The following PIGP variants were observed in gnomAD, a reference collection of about 807,000 sequenced individuals.
PIGP encodes phosphatidylinositol glycan anchor biosynthesis class P.
In PIGP, 12 loss-of-function variants were observed where a neutral mutation model predicts 16.9. That is an observed-to-expected ratio of 0.71 (90% CI 0.46 to 1.15). The LOEUF is 1.15. PIGP is among the 50% of genes most tolerant of loss of function. The pLI is 0.00. For missense variants in PIGP, 159 were observed against 153.5 expected (o/e 1.04, Z -0.19); for synonymous variants, 57 against 54.7 (o/e 1.04, Z -0.18).
intron 3 of PIGP, among the ~76,000 whole-genome samples, chr21:37,068,006 G>C (rs887240952): frequency 5.6e-5 from 3 of 53,288 alleles, no homozygotes; most frequent in African/African-American, 2.5e-4. Context: ...ATTTTTCATT[G>C]AGTGTTTTTT....
intron 3 of PIGP, among the ~76,000 whole-genome samples, chr21:37,068,057 G>A (rs1160074211): frequency 2.0e-5 from 3 of 150,794 alleles, no homozygotes; most frequent in Admixed American, 6.6e-5. Flanking sequence ...CACCCAGGCT[G>A]GAGTGCAACG....
At chr21:37,070,886 C>T (rs559403833) in intron 2 of PIGP, among the ~76,000 whole-genome samples, 143 of 152,340 alleles carry the variant, frequency 9.4e-4, no homozygotes, top group African/African-American at 3.2e-3. Context: ...CCTCAGCCTC[C>T]CGAGTAGCTG....
chr21:37,071,490 G>A (rs564407941), intron 2 of PIGP, among the ~76,000 whole-genome samples: 5 of 152,264 alleles, frequency 3.3e-5, no homozygotes, highest in Non-Finnish European at 5.9e-5. Context: ...TTTGCTGAGG[G>A]TCCCAGCTCA....
chr21:37,069,295 G>GTTTT, intron 3 of PIGP: 7 of 205,296 alleles, frequency 3.4e-5, no homozygotes, highest in Admixed American at 1.2e-4. Context: ...TGTATCTTCA[G>GTTTT]TTTTTTTTTT....
rs1320018997 is a variant in PIGP, at chr21:37,067,299, C to T, written c.237G>A (p.Met79Ile). The change falls in exon 4 of 5, where the codon ATG becomes ATA. Residue 79 changes from methionine (M) to isoleucine (I), a missense_variant. Transcript: ENST00000360525. ...GYVLLFGINM[M>I]STSPLDSIHT... is the part of the protein sequence containing the mutation. ...GGATGGAGTCGAGTGGAGAGGTACT[C>T]ATCATGTTAATCCCAAACAAGAGCA... The T allele has an allele frequency of 6.2e-7, 1 of 1,609,324 alleles. No individual in the cohort carries two copies. The highest frequency in any genetic ancestry group is 1.7e-5 in the Admixed American group (1 of 60,002).
intron 2 of PIGP, among the ~76,000 whole-genome samples, chr21:37,071,451 T>A (rs2146812486): frequency 6.6e-6 from 1 of 152,346 alleles, no homozygotes; most frequent in African/African-American, 2.4e-5. Flanking sequence ...ACTACCCTTT[T>A]ACAGATAAGG....
chr21:37,071,590 T>C (rs1386113805), intron 2 of PIGP, among the ~76,000 whole-genome samples: 1 of 152,216 alleles, frequency 6.6e-6, no homozygotes, highest in Non-Finnish European at 1.5e-5. Flanking sequence ...ATTACATTCA[T>C]CTGCAAGCTG....
At chr21:37,067,743 T>C (rs2069931483) in intron 3 of PIGP, among the ~76,000 whole-genome samples, 1 of 152,234 alleles carries the variant, frequency 6.6e-6, no homozygotes, top group South Asian at 2.1e-4. Context: ...CCTATCCTCT[T>C]CTATACTTAC....
At chr21:37,072,019 T>C in intron 2 of PIGP, 1 of 738,860 alleles carries the variant, frequency 1.4e-6, no homozygotes, top group Non-Finnish European at 2.5e-6. Flanking sequence ...TCTTACTCTT[T>C]CCTAATCAGC....
At chr21:37,067,633 C>T (rs2069929444) in intron 3 of PIGP, among the ~76,000 whole-genome samples, 1 of 152,192 alleles carries the variant, frequency 6.6e-6, no homozygotes, top group Non-Finnish European at 1.5e-5. Context: ...CTTACCTCCT[C>T]ATTGCTACAA....
intron 2 of PIGP, 159 bp downstream of exon 2, chr21:37,072,274 CG>C (rs2070113437): frequency 1.9e-6 from 3 of 1,608,038 alleles, no homozygotes; most frequent in South Asian, 1.1e-5. Flanking sequence ...TGCTGGCACA[CG>C]GAACACTCAG....
chr21:37,071,884 C>T (rs955922757), intron 2 of PIGP, among the ~76,000 whole-genome samples: 23 of 152,180 alleles, frequency 1.5e-4, no homozygotes, highest in African/African-American at 5.5e-4. Flanking sequence ...CACCTTTCAA[C>T]CCGACTTCTC....
At chr21:37,068,205 ATG>A (rs979602432) in intron 3 of PIGP, among the ~76,000 whole-genome samples, 10 of 117,452 alleles carry the variant, frequency 8.5e-5, no homozygotes, top group African/African-American at 2.9e-4. Flanking sequence ...TGTTGGCCAG[ATG>A]TTTTTTTTTT....
At chr21:37,068,911 G>A (rs374387635) in intron 3 of PIGP, among the ~76,000 whole-genome samples, 22 of 152,212 alleles carry the variant, frequency 1.4e-4, no homozygotes, top group African/African-American at 4.1e-4. Flanking sequence ...GTAAGATGCC[G>A]CATTCCCACA....
At chr21:37,068,413 C>T (rs1456475418) in intron 3 of PIGP, among the ~76,000 whole-genome samples, 1 of 151,740 alleles carries the variant, frequency 6.6e-6, no homozygotes, top group Non-Finnish European at 1.5e-5. Context: ...CAGTAATTTC[C>T]TGTTTGCATA....
intron 2 of PIGP, among the ~76,000 whole-genome samples, chr21:37,071,145 G>C (rs2069998631): frequency 6.6e-6 from 1 of 152,312 alleles, no homozygotes; most frequent in Non-Finnish European, 1.5e-5. Flanking sequence ...ATTTACAAAA[G>C]TGCTAACAAT....
At chr21:37,067,098 C>G (rs2069918245) in intron 4 of PIGP, among the ~76,000 whole-genome samples, 164 bp downstream of exon 4, 2 of 151,792 alleles carry the variant, frequency 1.3e-5, no homozygotes, top group Admixed American at 1.3e-4. Context: ...CCTCTGCCTC[C>G]TGGGTTCAAG....
At chr21:37,072,173 C>T (rs768903956) in intron 2 of PIGP, 2 of 1,404,174 alleles carry the variant, frequency 1.4e-6, no homozygotes, top group South Asian at 1.1e-5. Context: ...AGACCACGAC[C>T]TCCTTAAGGG....
At chr21:37,072,699 C>T in intron 1 of PIGP, 162 bp from the exon 2 acceptor site, 1 of 1,153,832 alleles carries the variant, frequency 8.7e-7, no homozygotes, top group South Asian at 1.4e-5. Context: ...ATACAGACAC[C>T]CAGGCTGGCG....
Sources: allele counts gnomAD v4.1 joint callset (sites outside exome capture counted in the v4.1 genomes callset), GRCh38; gene constraint gnomAD v4.1.1; transcripts MANE v1.5; gene names NCBI Gene and HGNC (gene_info 2026-07-23, HGNC 2026-07-21).